Variants in CTNNA3 observed in about 807,000 individuals in gnomAD.
CTNNA3 encodes catenin alpha 3.
CTNNA3 carries 76 observed loss-of-function variants against 95.7 expected under a neutral mutation model. The observed-to-expected ratio is 0.79, with a 90% CI of 0.66 to 0.96. CTNNA3 has a LOEUF of 0.96. CTNNA3 is among the 40% of genes least tolerant of loss of function. The pLI is 0.00. For missense variants in CTNNA3, 1,191 were observed against 1,089.8 expected (o/e 1.09, Z -1.31); for synonymous variants, 431 against 374.4 (o/e 1.15, Z -1.74).
At chr10:65,921,673 A>T (rs1163692497) in intron 17 of CTNNA3, among the ~76,000 whole-genome samples, 1 of 152,204 alleles carries the variant, frequency 6.6e-6, no homozygotes, top group African/African-American at 2.4e-5. Context: ...ATCACAGGGC[A>T]GTGTGAACTG....
chr10:66,460,558 C>A (rs1554968238), intron 11 of CTNNA3, among the ~76,000 whole-genome samples: 2 of 152,016 alleles, frequency 1.3e-5, no homozygotes, highest in Non-Finnish European at 2.9e-5. Flanking sequence ...TCCTAACTTT[C>A]TATAGCATGC....
chr10:66,477,652 G>T (rs7894186), intron 11 of CTNNA3, among the ~76,000 whole-genome samples: 9,408 of 152,064 alleles, frequency 0.062, 607 homozygotes, highest in African/African-American at 0.16. Flanking sequence ...GGAGGGGAAG[G>T]TATAGTTTAT....
At chr10:66,405,208 T>C (rs563213419) in intron 11 of CTNNA3, among the ~76,000 whole-genome samples, 1 of 152,250 alleles carries the variant, frequency 6.6e-6, no homozygotes. Flanking sequence ...ATGATTGCAC[T>C]CCTTGCTACA....
At chr10:66,376,241 G>A (rs2092796241) in intron 12 of CTNNA3, among the ~76,000 whole-genome samples, 1 of 152,052 alleles carries the variant, frequency 6.6e-6, no homozygotes, top group South Asian at 2.1e-4. Context: ...CAGTCCAGAA[G>A]GTTTATTATT....
At chr10:66,386,351 T>A (rs879079398) in intron 11 of CTNNA3, among the ~76,000 whole-genome samples, 1 of 151,996 alleles carries the variant, frequency 6.6e-6, no homozygotes, top group African/African-American at 2.4e-5. Flanking sequence ...CACAATTGCT[T>A]CAAAGAGAAT....
intron 7 of CTNNA3, among the ~76,000 whole-genome samples, chr10:66,962,418 G>GTTT (rs139452994): frequency 6.9e-6 from 1 of 144,182 alleles, no homozygotes; most frequent in African/African-American, 2.6e-5. Flanking sequence ...TTTTGTTTTT[G>GTTT]TTTTTTTTTT....
intron 9 of CTNNA3, among the ~76,000 whole-genome samples, chr10:66,666,241 C>T (rs957779142): frequency 6.6e-6 from 1 of 152,094 alleles, no homozygotes; most frequent in Admixed American, 6.6e-5. Flanking sequence ...TCTGTCTTCT[C>T]CTTCAAGATT....
At chr10:67,187,968 T>C (rs187762214) in intron 6 of CTNNA3, among the ~76,000 whole-genome samples, 1 of 152,276 alleles carries the variant, frequency 6.6e-6, no homozygotes, top group East Asian at 1.9e-4. Flanking sequence ...ATTCTGAGTC[T>C]CTTAAAGAGC....
chr10:67,061,346 A>C (rs747948622), intron 7 of CTNNA3, among the ~76,000 whole-genome samples: 1 of 152,364 alleles, frequency 6.6e-6, no homozygotes, highest in Non-Finnish European at 1.5e-5. Context: ...ACATGATGAC[A>C]GCACTATTTA....
At chr10:67,103,353 T>C (rs1858450146) in intron 7 of CTNNA3, among the ~76,000 whole-genome samples, 1 of 151,896 alleles carries the variant, frequency 6.6e-6, no homozygotes, top group African/African-American at 2.4e-5. Flanking sequence ...TGACAGACTG[T>C]TGTTTATAGA....
At chr10:66,409,570 T>C (rs2074529043) in intron 11 of CTNNA3, among the ~76,000 whole-genome samples, 1 of 152,128 alleles carries the variant, frequency 6.6e-6, no homozygotes, top group Non-Finnish European at 1.5e-5. Flanking sequence ...TCAAGTCTGA[T>C]TTTGTGGAAT....
intron 10 of CTNNA3, among the ~76,000 whole-genome samples, chr10:66,565,868 G>A (rs997793025): frequency 4.6e-5 from 7 of 152,114 alleles, no homozygotes; most frequent in Non-Finnish European, 8.8e-5. Flanking sequence ...GAGAAAAGGA[G>A]ATCTATCTGG....
intron 3 of CTNNA3, among the ~76,000 whole-genome samples, chr10:67,563,442 T>A (rs528358901): frequency 1.8e-4 from 28 of 152,314 alleles, no homozygotes; most frequent in African/African-American, 6.7e-4. Context: ...TAGCCATATG[T>A]AGAAAGCTAA....
At chr10:67,571,607 AT>A (rs752565975) in intron 3 of CTNNA3, among the ~76,000 whole-genome samples, 1 of 152,198 alleles carries the variant, frequency 6.6e-6, no homozygotes, top group Non-Finnish European at 1.5e-5. Context: ...ATAATAGACT[AT>A]AGTTTATACA....
intron 7 of CTNNA3, among the ~76,000 whole-genome samples, chr10:67,137,706 T>A (rs796245574): frequency 7.2e-5 from 11 of 152,296 alleles, no homozygotes; most frequent in African/African-American, 2.6e-4. Context: ...CCTGAAATTG[T>A]GTAGGCTTGG....
chr10:66,341,141 T>C (rs1017782962), intron 12 of CTNNA3, among the ~76,000 whole-genome samples: 11 of 152,008 alleles, frequency 7.2e-5, no homozygotes, highest in African/African-American at 2.4e-4. Flanking sequence ...AATATTCTCA[T>C]GGATGAGTTA....
At chr10:66,319,490 G>T (rs1043422529) in intron 12 of CTNNA3, among the ~76,000 whole-genome samples, 1 of 152,256 alleles carries the variant, frequency 6.6e-6, no homozygotes, top group Admixed American at 6.5e-5. Flanking sequence ...TAAGATAGGG[G>T]ATGGGATGTA....
At chr10:66,956,527 G>A (rs1346006899) in intron 7 of CTNNA3, among the ~76,000 whole-genome samples, 4 of 152,108 alleles carry the variant, frequency 2.6e-5, no homozygotes, top group Non-Finnish European at 5.9e-5. Flanking sequence ...TCCTTAGCAA[G>A]GAGGAGGCAA....
intron 13 of CTNNA3, among the ~76,000 whole-genome samples, chr10:66,167,933 AC>A (rs2085220185): frequency 6.6e-6 from 1 of 152,168 alleles, no homozygotes; most frequent in Non-Finnish European, 1.5e-5. Context: ...TCGGCTAAGC[AC>A]AGCCCATGGG....
Sources: gnomAD v4.1 joint callset for allele counts (sites outside exome capture counted in the v4.1 genomes callset) on GRCh38, gnomAD v4.1.1 for gene constraint, MANE v1.5 for transcripts, NCBI Gene and HGNC (gene_info 2026-07-23, HGNC 2026-07-21) for gene names.